Variants in UST observed in about 807,000 individuals in gnomAD.
UST encodes the protein uronyl 2-sulfotransferase, also known as chondroitin sulfate 2-O-sulfotransferase.
In UST, 21 loss-of-function variants were observed where a neutral mutation model predicts 45.6. The observed-to-expected ratio is 0.46, with a 90% CI of 0.33 to 0.66. The LOEUF is 0.66. Ranked by LOEUF, UST falls within the 30% of genes least tolerant of loss-of-function variation. UST has a pLI of 0.02. For missense variants in UST, 463 were observed against 512.4 expected, an observed-to-expected ratio of 0.90 and a Z score of 0.93; for synonymous variants, 215 against 200.6, an observed-to-expected ratio of 1.07 and a Z score of -0.61.
intron 2 of UST, among the ~76,000 whole-genome samples, chr6:148,888,360 A>T (rs1778949712): frequency 6.6e-6 from 1 of 152,166 alleles, no homozygotes; most frequent in Non-Finnish European, 1.5e-5. Flanking sequence ...TGACAATTAG[A>T]CATGAGATTT....
At chr6:148,905,721 T>A (rs17665117) in intron 2 of UST, among the ~76,000 whole-genome samples, 12,613 of 152,252 alleles carry the variant, frequency 0.083, 673 homozygotes, top group South Asian at 0.15. Flanking sequence ...AGCGTATCAT[T>A]TCCTACCACC....
rs1775885076 is a variant in UST at position 148,747,343 on chromosome 6, G to A, written c.-88G>A. The A allele has an allele frequency of 7.4e-7, 1 of 1,347,580 alleles. No homozygotes were observed. Among genetic ancestry groups the A allele is most frequent in the Non-Finnish European group, 9.6e-7 (1 of 1,045,778 alleles). The allele number at this position is 1,347,580 out of a possible 1,614,324, so 83.5% of individuals were successfully genotyped here. ...GCCCTCCGCGCGGCCCTCCCCATGT[G>A]CAGCCGGCCAGCCGGGCTCTCCTCC... On this transcript the variant is annotated 5_prime_UTR_variant, in exon 1 of 8. Transcript: ENST00000367463.
chr6:149,055,833 TC>T (rs1425109303), intron 7 of UST, among the ~76,000 whole-genome samples: 4 of 152,132 alleles, frequency 2.6e-5, no homozygotes, highest in African/African-American at 7.2e-5. Flanking sequence ...TCCCTTCTCT[TC>T]CATCTGACAT....
Position 148,927,447 on chromosome 6 carries a change from G to GA in UST, c.292-13826dup, listed in dbSNP as rs1779838225. ...ATGTCGTTCTCATTTTCCATGAGAAGAAAAAATAATACAGTCATTTGTCCT... is the reference window on the plus strand; with the variant it reads ...ATGTCGTTCTCATTTTCCATGAGAAGAAAAAAATAATACAGTCATTTGTCCT... On this transcript the variant is annotated intron_variant, in intron 2 of 7. Transcript: ENST00000367463. Among the ~76,000 whole-genome samples, 3 of 152,124 alleles carry GA rather than the reference G, an allele frequency of 2.0e-5. No individual in the cohort carries two copies. The South Asian group carries it at 6.2e-4, about 32-fold the overall frequency.
chr6:148,879,740 T>G (rs1161269842), intron 1 of UST, among the ~76,000 whole-genome samples: 2 of 152,192 alleles, frequency 1.3e-5, no homozygotes, highest in Non-Finnish European at 2.9e-5. Context: ...TCTGAGCATT[T>G]TTCATAGAAC....
intron 2 of UST, among the ~76,000 whole-genome samples, chr6:148,913,999 G>A (rs1779532200): frequency 6.6e-6 from 1 of 152,192 alleles, no homozygotes; most frequent in Non-Finnish European, 1.5e-5. Flanking sequence ...GAGCCTTTGG[G>A]CAGTGATTAG....
At chr6:148,888,425 C>T (rs1778951280) in intron 2 of UST, among the ~76,000 whole-genome samples, 1 of 152,214 alleles carries the variant, frequency 6.6e-6, no homozygotes, top group Non-Finnish European at 1.5e-5. Flanking sequence ...AGACCACCCC[C>T]ACATTCATGA....
intron 7 of UST, among the ~76,000 whole-genome samples, chr6:149,029,004 C>T (rs1346751771): frequency 6.6e-6 from 1 of 152,046 alleles, no homozygotes; most frequent in Non-Finnish European, 1.5e-5. Flanking sequence ...AATTAATAAC[C>T]TTTGTCCAGC....
At chr6:148,991,816 T>C (rs976901743) in intron 5 of UST, among the ~76,000 whole-genome samples, 5 of 152,198 alleles carry the variant, frequency 3.3e-5, no homozygotes, top group African/African-American at 4.8e-5. Context: ...TATATACATT[T>C]AAGCATATTG....
intron 1 of UST, among the ~76,000 whole-genome samples, chr6:148,885,898 T>G (rs1299312665): frequency 6.6e-6 from 1 of 152,262 alleles, no homozygotes; most frequent in Non-Finnish European, 1.5e-5. Context: ...TCTAGAGGTA[T>G]TCTTGCAGTT....
At chr6:148,895,463 T>C (rs1779108935) in intron 2 of UST, among the ~76,000 whole-genome samples, 1 of 152,158 alleles carries the variant, frequency 6.6e-6, no homozygotes. Context: ...TCAAACAATG[T>C]GCCCCTATTT....
chr6:149,053,353 A>G (rs1776516479), intron 7 of UST, among the ~76,000 whole-genome samples: 1 of 152,202 alleles, frequency 6.6e-6, no homozygotes. Flanking sequence ...AGATATTTCC[A>G]CAAAGCCCTT....
chr6:148,994,551 G>A (rs1212589104), intron 5 of UST, among the ~76,000 whole-genome samples: 1 of 152,126 alleles, frequency 6.6e-6, no homozygotes, highest in Non-Finnish European at 1.5e-5. Context: ...CAAGGGTAAG[G>A]AGGTCAGTTG....
chr6:148,871,979 C>G (rs1778567875), intron 1 of UST, among the ~76,000 whole-genome samples: 1 of 152,140 alleles, frequency 6.6e-6, no homozygotes. Flanking sequence ...TTGATTATTT[C>G]CTCTGTAAGT....
intron 3 of UST, 102 bp downstream of exon 3, chr6:148,941,536 T>TAAAAGG: frequency 2.3e-6 from 3 of 1,314,870 alleles, no homozygotes; most frequent in Non-Finnish European, 2.1e-6. Context: ...GATGAGTGAA[T>TAAAAGG]ACCAGAGTTT....
At chr6:148,914,857 A>T (rs1438499836) in intron 2 of UST, among the ~76,000 whole-genome samples, 1 of 152,214 alleles carries the variant, frequency 6.6e-6, no homozygotes, top group Non-Finnish European at 1.5e-5. Context: ...AATATAAAAG[A>T]TTATGTCTTT....
At chr6:148,747,778 G>A in intron 1 of UST, 101 bp downstream of exon 1, 2 of 1,394,626 alleles carry the variant, frequency 1.4e-6, no homozygotes, top group South Asian at 3.1e-5. Flanking sequence ...ACCGCGCGCC[G>A]CCGCCGCCCC....
At chr6:148,892,059 C>A (rs1034774342) in intron 2 of UST, among the ~76,000 whole-genome samples, 1 of 152,180 alleles carries the variant, frequency 6.6e-6, no homozygotes, top group East Asian at 1.9e-4. Flanking sequence ...TCCTCTTGAA[C>A]GACTGACTGT....
At chr6:148,950,463 T>C (rs985475786) in intron 3 of UST, among the ~76,000 whole-genome samples, 4 of 152,184 alleles carry the variant, frequency 2.6e-5, no homozygotes, top group African/African-American at 7.2e-5. Flanking sequence ...ACCCACAGAA[T>C]AAATGTCAGA....
Sources: gnomAD v4.1 joint callset for allele counts (sites outside exome capture counted in the v4.1 genomes callset) on GRCh38, gnomAD v4.1.1 for gene constraint, MANE v1.5 for transcripts, NCBI Gene and HGNC (gene_info 2026-07-23, HGNC 2026-07-21) for gene names.